MTSS1: variants seen among roughly 807,000 people sequenced by gnomAD.
MTSS1 encodes the protein MTSS I-BAR domain containing 1, also known as protein MTSS 1.
A neutral mutation model predicts 79.0 loss-of-function variants in MTSS1; 18 were observed. The observed-to-expected ratio is 0.23, with a 90% CI of 0.16 to 0.34. MTSS1 has a LOEUF of 0.34. MTSS1 is among the 10% of genes least tolerant of loss of function. The probability of loss-of-function intolerance (pLI) is 1.00; values close to 1 mark genes in which losing one functional copy is unlikely to be tolerated. For missense variants in MTSS1, 815 were observed against 986.2 expected, an observed-to-expected ratio of 0.83 and a Z score of 2.33; for synonymous variants, 341 against 368.6, an observed-to-expected ratio of 0.93 and a Z score of 0.86.
intron 1 of MTSS1, among the ~76,000 whole-genome samples, chr8:124,711,857 A>T (rs1475794255): frequency 6.6e-6 from 1 of 152,000 alleles, no homozygotes; most frequent in Non-Finnish European, 1.5e-5. Context: ...AAATGCAAAA[A>T]ATTAGTGCAG....
intron 11 of MTSS1, among the ~76,000 whole-genome samples, 165 bp downstream of exon 11, chr8:124,557,516 T>C (rs55827301): frequency 6.6e-6 from 1 of 152,176 alleles, no homozygotes; most frequent in East Asian, 1.9e-4. Context: ...GGCTGCTTTC[T>C]GCTTCTCCCC....
At chr8:124,704,983 T>G (rs978408434) in intron 1 of MTSS1, among the ~76,000 whole-genome samples, 3 of 152,170 alleles carry the variant, frequency 2.0e-5, no homozygotes, top group Non-Finnish European at 4.4e-5. Context: ...CTAAGTGTGG[T>G]GCATAGACAC....
chr8:124,554,408 C>G (rs1823133556), intron 13 of MTSS1, among the ~76,000 whole-genome samples: 1 of 152,094 alleles, frequency 6.6e-6, no homozygotes, highest in Non-Finnish European at 1.5e-5. Flanking sequence ...CCAATAGTAC[C>G]CCTCCAGTTG....
intron 1 of MTSS1, among the ~76,000 whole-genome samples, chr8:124,722,821 C>G (rs1226417327): frequency 6.6e-6 from 1 of 152,036 alleles, no homozygotes; most frequent in Non-Finnish European, 1.5e-5. Flanking sequence ...GGGTAAGTGT[C>G]CTGAAGGCAG....
intron 3 of MTSS1, among the ~76,000 whole-genome samples, chr8:124,637,872 T>G (rs1281763582): frequency 1.3e-5 from 2 of 152,236 alleles, no homozygotes; most frequent in Admixed American, 6.5e-5. Context: ...AAAGTTGCTA[T>G]GGGAACATGA....
At chr8:124,641,819 AG>A (rs1818102406) in intron 3 of MTSS1, among the ~76,000 whole-genome samples, 1 of 152,240 alleles carries the variant, frequency 6.6e-6, no homozygotes. Context: ...TAGGAATAAA[AG>A]GAAGAGATAA....
At chr8:124,720,952 G>C (rs1832819007) in intron 1 of MTSS1, among the ~76,000 whole-genome samples, 1 of 152,176 alleles carries the variant, frequency 6.6e-6, no homozygotes, top group Non-Finnish European at 1.5e-5. Flanking sequence ...GACTTACAGA[G>C]ATTAAATAAC....
chr8:124,585,051 A>T (rs764168843), intron 6 of MTSS1, 36 bp downstream of exon 6: 1 of 1,559,806 alleles, frequency 6.4e-7, no homozygotes, highest in Non-Finnish European at 8.8e-7. Flanking sequence ...GTACTCCATC[A>T]GGAAGTAACA....
intron 3 of MTSS1, among the ~76,000 whole-genome samples, chr8:124,643,092 A>G (rs2134023980): frequency 6.6e-6 from 1 of 152,196 alleles, no homozygotes; most frequent in East Asian, 1.9e-4. Context: ...TTTGATCAAT[A>G]AAATTTGGCA....
chr8:124,712,826 C>T (rs1415873699), intron 1 of MTSS1, among the ~76,000 whole-genome samples: 1 of 152,142 alleles, frequency 6.6e-6, no homozygotes, highest in Non-Finnish European at 1.5e-5. Flanking sequence ...TCCCTCTGTC[C>T]ATCCGTCCAT....
chr8:124,654,849 T>C (rs1266826932), intron 3 of MTSS1, among the ~76,000 whole-genome samples: 2 of 152,202 alleles, frequency 1.3e-5, no homozygotes, highest in South Asian at 2.1e-4. Context: ...CTGTCTACTT[T>C]AGCAAAGAAC....
At position 124,556,331 on chromosome 8, in the gene MTSS1, C is replaced by A. The variant is rs377523813; in HGVS notation, c.1305G>T (p.Pro435=). The part of the protein sequence containing the change: ...TLQRRKEKRE[P]DPNGGGPTTA... ...TAGTGGGTCCTCCCCCGTTGGGGTC[C>A]GGTTCTCGCTTCTCTTTGCGGCGCT... is the stretch of plus-strand genomic sequence containing the variant. The change falls in exon 12 of 14, where the codon CCG becomes CCT. Residue 435 remains proline (P), a synonymous_variant. Transcript: ENST00000518547. 2.5e-6 allele frequency: 4 copies of A among 1,614,098 alleles called. No individual in the cohort carries two copies. The highest frequency in any genetic ancestry group is 2.5e-6 in the Non-Finnish European group (3 of 1,180,038).
intron 12 of MTSS1, 115 bp from the exon 13 acceptor site, chr8:124,556,019 C>T (rs1823653721): frequency 6.5e-7 from 1 of 1,546,172 alleles, no homozygotes. Flanking sequence ...TATTGACTTG[C>T]TTGGGTCCCA....
chr8:124,688,215 A>G (rs1232873811), intron 3 of MTSS1, among the ~76,000 whole-genome samples: 1 of 151,608 alleles, frequency 6.6e-6, no homozygotes, highest in Non-Finnish European at 1.5e-5. Flanking sequence ...GTGTGTATAT[A>G]TGCGTGTGTA....
At position 124,695,335 on chromosome 8, in the gene MTSS1, T is replaced by TAAA. The variant is rs33998723; in HGVS notation, c.208+4188_208+4190dup. Among the ~76,000 whole-genome samples the TAAA allele has an allele frequency of 3.4e-3, 496 of 144,766 alleles. 5 individuals are homozygous for TAAA. Among genetic ancestry groups the TAAA allele is most frequent in the African/African-American group, 0.011 (442 of 39,762 alleles). The allele number at this position is 144,766 out of a possible 152,430, so 95.0% of individuals were successfully genotyped here. On this transcript the variant is annotated intron_variant, in intron 3 of 13. Coordinates refer to ENST00000518547, the MANE Select transcript of MTSS1 (RefSeq NM_014751.6). Reference sequence around the variant, plus strand: ...CTCCTACCACTTCCATCAAGAGGGATAAAAAAAAAAAAATACATGTAAAGG... The same window carrying TAAA: ...CTCCTACCACTTCCATCAAGAGGGATAAAAAAAAAAAAAAAATACATGTAAAGG...
chr8:124,622,164 C>A (rs764498987), intron 3 of MTSS1, among the ~76,000 whole-genome samples: 2 of 151,770 alleles, frequency 1.3e-5, no homozygotes, highest in Non-Finnish European at 2.9e-5. Context: ...TCGGATGAAC[C>A]TGGAGGACGT....
At chr8:124,665,634 G>A (rs923436900) in intron 3 of MTSS1, among the ~76,000 whole-genome samples, 9 of 152,156 alleles carry the variant, frequency 5.9e-5, no homozygotes, top group East Asian at 3.9e-4. Context: ...TTGGGAGGCC[G>A]AGGCGGGTGG....
intron 2 of MTSS1, among the ~76,000 whole-genome samples, chr8:124,700,424 C>T (rs1829547413): frequency 6.6e-6 from 1 of 152,148 alleles, no homozygotes; most frequent in South Asian, 2.1e-4. Flanking sequence ...AGAGCTGGGA[C>T]AAGTATCCCA....
intron 3 of MTSS1, among the ~76,000 whole-genome samples, chr8:124,611,116 C>T (rs142342875): frequency 1.3e-5 from 2 of 148,714 alleles, no homozygotes; most frequent in African/African-American, 2.5e-5. Context: ...ACCCCCCCCC[C>T]CCAGCATGTG....
Sources: gnomAD v4.1 joint callset for allele counts (sites outside exome capture counted in the v4.1 genomes callset) on GRCh38, gnomAD v4.1.1 for gene constraint, MANE v1.5 for transcripts, NCBI Gene and HGNC (gene_info 2026-07-23, HGNC 2026-07-21) for gene names.